SDK1: variants seen among roughly 807,000 people sequenced by gnomAD.
SDK1 encodes the protein sidekick cell adhesion molecule 1, also known as protein sidekick-1.
SDK1 carries 157 observed loss-of-function variants against 245.5 expected under a neutral mutation model. The ratio of observed to expected loss-of-function variants is 0.64; its 90% confidence interval spans 0.56 to 0.73. SDK1 has a LOEUF of 0.73. Among genes scored for constraint, SDK1 ranks in the 30% least tolerant of loss-of-function variants. SDK1 has a pLI of 0.00. For synonymous variants in SDK1, 1,647 were observed against 1,278.5 expected (o/e 1.29, Z -6.15); for missense variants, 3,583 against 3,002.3 (o/e 1.19, Z -4.52).
intron 35 of SDK1, among the ~76,000 whole-genome samples, chr7:4,202,050 A>G (rs904529485): frequency 6.6e-6 from 1 of 152,070 alleles, no homozygotes; most frequent in African/African-American, 2.4e-5. Context: ...TCACGTCTCA[A>G]ATCTTCCCTG....
chr7:4,018,429 A>T (rs1372677943), intron 17 of SDK1, among the ~76,000 whole-genome samples: 1 of 152,236 alleles, frequency 6.6e-6, no homozygotes, highest in Non-Finnish European at 1.5e-5. Context: ...TTCTGCCTGC[A>T]CAGCGACTAG....
At chr7:4,175,930 T>G in intron 34 of SDK1, 96 bp downstream of exon 34, 1 of 1,032,960 alleles carries the variant, frequency 9.7e-7, no homozygotes, top group South Asian at 1.3e-5. Flanking sequence ...CCAGCCTGGA[T>G]TAATGGCTCC....
rs141533575 is a variant in SDK1, at chr7:4,173,225, T to C, written c.4801-997T>C. ...AGGTTCCTGTTCCTTATCCCTCATCTGAGTATCCCAAGAAGAGACCAGATG... is the reference window on the plus strand; with the variant it reads ...AGGTTCCTGTTCCTTATCCCTCATCCGAGTATCCCAAGAAGAGACCAGATG... On this transcript the variant is annotated intron_variant, in intron 32 of 44. Transcript: ENST00000404826. 3.0e-3 allele frequency among the ~76,000 whole-genome samples: 464 copies of C among 152,336 alleles called. 5 individuals carry two copies. Among genetic ancestry groups the C allele is most frequent in the African/African-American group, 0.011 (450 of 41,586 alleles).
chr7:3,913,569 AGGC>A (rs1316019222), intron 5 of SDK1, among the ~76,000 whole-genome samples: 1 of 152,042 alleles, frequency 6.6e-6, no homozygotes, highest in Non-Finnish European at 1.5e-5. Flanking sequence ...CTGACATTAC[AGGC>A]GTGAGCCACC....
chr7:3,735,100 C>T (rs968000021), intron 4 of SDK1, among the ~76,000 whole-genome samples: 4 of 152,098 alleles, frequency 2.6e-5, no homozygotes, highest in African/African-American at 7.2e-5. Flanking sequence ...GGGCAGGAGT[C>T]CAGCTCCATT....
chr7:3,745,331 C>G (rs1779586444), intron 4 of SDK1, among the ~76,000 whole-genome samples: 1 of 152,144 alleles, frequency 6.6e-6, no homozygotes, highest in Non-Finnish European at 1.5e-5. Context: ...GCTTTTGCCA[C>G]TACTATTTTG....
At chr7:3,834,359 C>T (rs988919941) in intron 5 of SDK1, among the ~76,000 whole-genome samples, 4 of 152,234 alleles carry the variant, frequency 2.6e-5, no homozygotes, top group South Asian at 2.1e-4. Flanking sequence ...GAGAGGCTGG[C>T]GCACCAGGAA....
rs1426322395 is a variant in SDK1, at chr7:3,301,715, C to T, written c.129C>T (p.Arg43=). ...PGRARPSLAP[R]PGPEPSRPRA... The stretch of plus-strand genomic sequence containing the variant: ...GCGCCCGCCCCTCGCTGGCGCCGCG[C>T]CCCGGCCCGGAGCCCTCGCGACCCC... Residue 43 remains arginine, a synonymous_variant, in exon 1 of 45, where the codon CGC becomes CGT. Coordinates refer to ENST00000404826, the MANE Select transcript of SDK1 (RefSeq NM_152744.4). 1 of 976,596 alleles carries T rather than the reference C, an allele frequency of 1.0e-6. No homozygotes were observed. The highest frequency in any genetic ancestry group is 4.7e-5 in the South Asian group (1 of 21,220). The allele number at this position is 976,596 out of a possible 1,614,324, so 60.5% of individuals were successfully genotyped here. A position where few individuals can be genotyped will look rare whatever the true frequency, so the allele number is the denominator to read the frequency against.
At chr7:3,387,717 G>T (rs1221268770) in intron 1 of SDK1, among the ~76,000 whole-genome samples, 1 of 152,110 alleles carries the variant, frequency 6.6e-6, no homozygotes, top group Non-Finnish European at 1.5e-5. Flanking sequence ...GTTTAAGGTG[G>T]TAATCTTTTG....
chr7:3,654,218 T>C (rs955143339), intron 4 of SDK1, among the ~76,000 whole-genome samples: 2 of 152,162 alleles, frequency 1.3e-5, no homozygotes, highest in Non-Finnish European at 2.9e-5. Flanking sequence ...AAAGTTCTTT[T>C]CGTTGTTGTT....
chr7:3,703,793 T>C (rs1784807731), intron 4 of SDK1, among the ~76,000 whole-genome samples: 1 of 152,252 alleles, frequency 6.6e-6, no homozygotes, highest in Non-Finnish European at 1.5e-5. Flanking sequence ...ATATCTGTCG[T>C]TGGCTTCCCA....
At chr7:4,092,480 G>C (rs73671539) in intron 22 of SDK1, among the ~76,000 whole-genome samples, 2,541 of 152,266 alleles carry the variant, frequency 0.017, 73 homozygotes, top group African/African-American at 0.059. Flanking sequence ...GTATAGATGA[G>C]GCCTCTGGGG....
At chr7:3,960,404 C>T (rs1781585144) in intron 8 of SDK1, among the ~76,000 whole-genome samples, 1 of 152,272 alleles carries the variant, frequency 6.6e-6, no homozygotes, top group African/African-American at 2.4e-5. Context: ...TCCCCCAGGA[C>T]CTGAAGCCCT....
At chr7:3,564,950 A>G (rs777260397) in intron 1 of SDK1, among the ~76,000 whole-genome samples, 2 of 151,984 alleles carry the variant, frequency 1.3e-5, no homozygotes, top group African/African-American at 2.4e-5. Context: ...TTTAGGAGAC[A>G]AATCTGGATT....
intron 35 of SDK1, among the ~76,000 whole-genome samples, chr7:4,192,846 G>C (rs371084259): frequency 6.6e-6 from 1 of 151,488 alleles, no homozygotes; most frequent in East Asian, 1.9e-4. Flanking sequence ...CTCCCCTCCC[G>C]TGTGATCCTC....
In SDK1 at chr7:3,730,012, G is replaced by A. The variant is rs78186935; in HGVS notation, c.713+87907G>A. On this transcript the variant is annotated intron_variant, in intron 4 of 44. Coordinates refer to ENST00000404826, the MANE Select transcript of SDK1 (RefSeq NM_152744.4). ...GTAGTACATATATATGTATATATGTGTGTGAGAGACCCATTATTTCATTAT... is the reference window on the plus strand; with the variant it reads ...GTAGTACATATATATGTATATATGTATGTGAGAGACCCATTATTTCATTAT... Among the ~76,000 whole-genome samples the A allele has an allele frequency of 4.7e-4, 72 of 152,134 alleles. 1 individual carries two copies. The highest frequency in any genetic ancestry group is 8.5e-4 in the Non-Finnish European group (58 of 68,020).
At chr7:3,389,933 T>A (rs1781706039) in intron 1 of SDK1, among the ~76,000 whole-genome samples, 1 of 152,156 alleles carries the variant, frequency 6.6e-6, no homozygotes, top group African/African-American at 2.4e-5. Flanking sequence ...AAGTGTTTAA[T>A]GTAGATATTA....
chr7:3,529,498 A>G (rs1433098911), intron 1 of SDK1, among the ~76,000 whole-genome samples: 2 of 152,200 alleles, frequency 1.3e-5, no homozygotes, highest in African/African-American at 4.8e-5. Flanking sequence ...TGAGCAAGAG[A>G]GTAAATGATG....
chr7:3,776,802 C>G (rs1780577984), intron 4 of SDK1, among the ~76,000 whole-genome samples: 1 of 151,216 alleles, frequency 6.6e-6, no homozygotes. Context: ...GGACATTTAA[C>G]AGAGATTGAC....
Sources: allele counts gnomAD v4.1 joint callset (sites outside exome capture counted in the v4.1 genomes callset), GRCh38; gene constraint gnomAD v4.1.1; transcripts MANE v1.5; gene names NCBI Gene and HGNC (gene_info 2026-07-23, HGNC 2026-07-21).